DNAH17: variants seen among roughly 807,000 people sequenced by gnomAD.
DNAH17 encodes the protein axonemal beta dynein heavy chain 17.
In DNAH17, 376 loss-of-function variants were observed where a neutral mutation model predicts 485.6. The ratio of observed to expected loss-of-function variants is 0.77; its 90% CI spans 0.71 to 0.84. The LOEUF (loss-of-function observed/expected upper bound fraction) is 0.84. Among genes scored for constraint, DNAH17 ranks in the 40% least tolerant of loss-of-function variants. DNAH17 has a pLI of 0.00. For missense variants in DNAH17, 6,370 were observed against 5,839.3 expected (o/e 1.09, Z -2.96); for synonymous variants, 3,031 against 2,405.9 (o/e 1.26, Z -7.60).
chr17:78,553,321 AG>A, intron 14 of DNAH17, among the ~76,000 whole-genome samples: 1 of 6,056 alleles, frequency 1.7e-4, no homozygotes, highest in African/African-American at 6.5e-4. Flanking sequence ...TTTTTTTTTA[AG>A]ATGGAGTCTC....
intron 77 of DNAH17, 23 bp downstream of exon 77, chr17:78,428,502 G>A (rs772903891): frequency 6.4e-7 from 1 of 1,573,364 alleles, no homozygotes; most frequent in Non-Finnish European, 8.6e-7. Flanking sequence ...CCTCTCGCTT[G>A]GGAGCAGTTT....
At chr17:78,536,342 C>G (rs1051703093) in intron 19 of DNAH17, among the ~76,000 whole-genome samples, 6 of 152,066 alleles carry the variant, frequency 3.9e-5, no homozygotes, top group African/African-American at 1.4e-4. Flanking sequence ...CCCAGCTACT[C>G]AGGAGGCTGA....
At chr17:78,548,530 G>A (rs1329495956) in intron 16 of DNAH17, among the ~76,000 whole-genome samples, 2 of 152,134 alleles carry the variant, frequency 1.3e-5, no homozygotes, top group Non-Finnish European at 1.5e-5. Flanking sequence ...AAGAAAAAAT[G>A]TCTTAGGTTT....
At chr17:78,451,778 T>C in intron 65 of DNAH17, 105 bp from the exon 66 acceptor site, 3 of 940,916 alleles carry the variant, frequency 3.2e-6, no homozygotes, top group Admixed American at 2.5e-5. Context: ...GGCCGCCACC[T>C]TGAACCCTCC....
In DNAH17 at chr17:78,441,213, G is replaced by A. The variant is rs920340117; in HGVS notation, c.11529-14C>T. 1.9e-6 allele frequency: 3 copies of A among 1,613,308 alleles called. No individual in the cohort carries two copies. Among genetic ancestry groups the A allele is most frequent in the African/African-American group, 2.7e-5 (2 of 75,052 alleles). On this transcript the variant is annotated splice_polypyrimidine_tract_variant and intron_variant, in intron 71 of 80. Coordinates refer to ENST00000389840, the MANE Select transcript of DNAH17 (RefSeq NM_173628.4). ...TCCACGAAGTTCCTAGGGGTGGAGT[G>A]CATCAGAGGCAGCGGAACCTGAGGC...
intron 7 of DNAH17, among the ~76,000 whole-genome samples, chr17:78,569,995 C>A (rs1473521977): frequency 6.6e-6 from 1 of 152,164 alleles, no homozygotes; most frequent in African/African-American, 2.4e-5. Context: ...TCTCGGGGTA[C>A]GGGGACTCTC....
rs112451291 is a variant in DNAH17, at chr17:78,551,965, GAA to G, written c.2288-329_2288-328del. Reference sequence around the variant, plus strand: ...GCAACAGAGTGAGACTCTATCTCAGGAAAAAAAAAAAAAAAATTCAGCAGGAT... The same window carrying G: ...GCAACAGAGTGAGACTCTATCTCAGGAAAAAAAAAAAAAATTCAGCAGGAT... On this transcript the variant is annotated intron_variant, in intron 15 of 80. Coordinates refer to ENST00000389840, the MANE Select transcript of DNAH17 (RefSeq NM_173628.4). Among the ~76,000 whole-genome samples the G allele has an allele frequency of 2.9e-3, 406 of 140,234 alleles. 2 individuals carry two copies. The highest frequency in any genetic ancestry group is 9.8e-3 in the African/African-American group (371 of 37,826). The allele number at this position is 140,234 out of a possible 152,430, so 92.0% of individuals were successfully genotyped here.
At chr17:78,516,704 A>G in intron 25 of DNAH17, among the ~76,000 whole-genome samples, 1 of 151,440 alleles carries the variant, frequency 6.6e-6, no homozygotes, top group East Asian at 1.9e-4. Flanking sequence ...AAAAAAAAAA[A>G]AAAAAAAAGA....
chr17:78,560,848 G>C lies in DNAH17; in HGVS notation c.1923C>G (p.Tyr641Ter). Residue 641 changes from tyrosine to a stop codon, truncating the protein, a stop_gained, in exon 13 of 81, where the codon TAC becomes TAG. Coordinates refer to ENST00000389840, the MANE Select transcript of DNAH17 (RefSeq NM_173628.4). LOFTEE classifies it high-confidence loss of function. Reference protein sequence around the residue: ...ELLRCHREKIYQQWVAGVDQD... With the variant: ...ELLRCHREKI ...GGTCCACGCCCGCCACCCACTGCTG[G>C]TAGATCTTCTCGCGGTGGCACCTCA... 1.3e-6 allele frequency: 2 copies of C among 1,551,846 alleles called. No homozygotes were observed. The highest frequency in any genetic ancestry group is 1.7e-6 in the Non-Finnish European group (2 of 1,147,152).
In DNAH17 at chr17:78,440,296, G is replaced by A. The variant is rs113224530; in HGVS notation, c.11677+755C>T. On this transcript the variant is annotated intron_variant, in intron 72 of 80. Transcript: ENST00000389840. The stretch of plus-strand genomic sequence containing the variant: ...TTTTGAGACAGGGTCTTACTCGGTC[G>A]CCCAGGCTGGAGTGAAGTGGCTTGA... Among the ~76,000 whole-genome samples, 953 of 114,368 alleles carry A rather than the reference G, an allele frequency of 8.3e-3. 6 individuals are homozygous for A. The highest frequency in any genetic ancestry group is 0.031 in the African/African-American group (895 of 29,278). The allele number at this position is 114,368 out of a possible 152,430, so 75.0% of individuals were successfully genotyped here.
chr17:78,475,476 A>G lies in DNAH17; in HGVS notation c.8320-7T>C. On this transcript the variant is annotated splice_region_variant and splice_polypyrimidine_tract_variant and intron_variant, in intron 53 of 80. Transcript: ENST00000389840. The stretch of plus-strand genomic sequence containing the variant: ...CGGCGTCCTCAAACAGCACCTGCAG[A>G]AACCGGAGAGATCCCACAACATCTT... 1 of 1,613,634 alleles carries G rather than the reference A, an allele frequency of 6.2e-7. No homozygotes were observed. The highest frequency in any genetic ancestry group is 8.5e-7 in the Non-Finnish European group (1 of 1,179,846).
In DNAH17 at chr17:78,501,824, G is replaced by C; in HGVS notation, c.5240C>G (p.Ala1747Gly). 6.2e-7 allele frequency: 1 copy of C among 1,614,014 alleles called. No homozygotes were observed. The highest frequency in any genetic ancestry group is 1.1e-5 in the South Asian group (1 of 91,082). Reference sequence around the variant, plus strand: ...GGTCATGATCTTCATCCTGTCGCCAGCGTTGAGGTTCCCCATGAGCAGCGT... The same window carrying C: ...GGTCATGATCTTCATCCTGTCGCCACCGTTGAGGTTCCCCATGAGCAGCGT... Reference protein sequence around the residue: ...LITLLMGNLNAGDRMKIMTIC... With the variant: ...LITLLMGNLNGGDRMKIMTIC... The change falls in exon 34 of 81, where the codon GCT (alanine) becomes GGT (glycine). Residue 1747 changes from alanine to glycine, a missense_variant. Physicochemically the swap from Ala to Gly is moderately conservative, Grantham distance 60. Transcript: ENST00000389840.
intron 19 of DNAH17, among the ~76,000 whole-genome samples, chr17:78,535,985 G>C (rs1459879215): frequency 6.6e-6 from 1 of 152,032 alleles, no homozygotes; most frequent in African/African-American, 2.4e-5. Flanking sequence ...TCCCTTAAGC[G>C]GGGAGCTGAA....
intron 33 of DNAH17, 25 bp from the exon 34 acceptor site, chr17:78,501,898 A>C (rs1021303111): frequency 6.2e-7 from 1 of 1,613,276 alleles, no homozygotes; most frequent in Non-Finnish European, 8.5e-7. Context: ...GCCTTCGATG[A>C]GACACCACGG....
chr17:78,434,600 C>G (rs759923206), intron 74 of DNAH17, among the ~76,000 whole-genome samples: 90 of 151,264 alleles, frequency 5.9e-4, no homozygotes, highest in South Asian at 2.1e-3. Context: ...ATCCCAAACT[C>G]TAAAAACAAC....
intron 51 of DNAH17, 109 bp downstream of exon 51, chr17:78,478,916 C>T: frequency 2.4e-6 from 2 of 828,368 alleles, no homozygotes; most frequent in Non-Finnish European, 3.9e-6. Flanking sequence ...TTACCACCAT[C>T]ACCACCATCA....
intron 62 of DNAH17, among the ~76,000 whole-genome samples, chr17:78,457,680 T>C (rs866762403): frequency 2.3e-4 from 20 of 87,916 alleles, no homozygotes; most frequent in Admixed American, 1.5e-3. Context: ...TTTTTTTTTT[T>C]AGACAGTTTT....
rs958055750 is a variant in DNAH17 at position 78,475,286 on chromosome 17, C to G, written c.8503G>C (p.Asp2835His). Residue 2835 changes from aspartate to histidine, a missense_variant, in exon 54 of 81, where the codon GAC (aspartate) becomes CAC (histidine). By Grantham distance (81) the Asp-to-His change is moderately conservative. Coordinates refer to ENST00000389840, the MANE Select transcript of DNAH17 (RefSeq NM_173628.4). ...ITLKKGYGIP[D>H]LKIDLAAQYI... Reference sequence around the variant, plus strand: ...GAACAGTAAGCTCTCACCTTGAGGTCGGGGATCCCGTAGCCCTTCTTGAGG... The same window carrying G: ...GAACAGTAAGCTCTCACCTTGAGGTGGGGGATCCCGTAGCCCTTCTTGAGG... 2.5e-6 allele frequency: 4 copies of G among 1,613,848 alleles called. No homozygotes were observed. The Admixed American group carries it at 6.7e-5, about 27-fold the overall frequency.
At chr17:78,457,179 C>T (rs1214591098) in intron 62 of DNAH17, among the ~76,000 whole-genome samples, 6 of 152,028 alleles carry the variant, frequency 3.9e-5, no homozygotes, top group African/African-American at 1.2e-4. Flanking sequence ...GAGACCACCC[C>T]GGCCAACATG....
Sources: allele counts gnomAD v4.1 joint callset (sites outside exome capture counted in the v4.1 genomes callset), GRCh38; gene constraint gnomAD v4.1.1; transcripts MANE v1.5; gene names NCBI Gene and HGNC (gene_info 2026-07-23, HGNC 2026-07-21).